The following GABRA3 variants were observed in gnomAD, a reference collection of about 807,000 sequenced individuals.
GABRA3 encodes the protein gamma-aminobutyric acid receptor subunit alpha-3.
Under a neutral mutation model 30.1 loss-of-function variants are expected in GABRA3, and 10 were observed. That is an observed-to-expected ratio of 0.33 (90% CI 0.20 to 0.56). The LOEUF (loss-of-function observed/expected upper bound fraction) is 0.56. Ranked by LOEUF, GABRA3 falls within the 20% of genes least tolerant of loss-of-function variation. The pLI is 0.89. For missense variants in GABRA3, 233 were observed against 392.0 expected, an observed-to-expected ratio of 0.59 and a Z score of 3.42; for synonymous variants, 151 against 146.8, an observed-to-expected ratio of 1.03 and a Z score of -0.21.
chrX:152,273,380 G>A (rs1047767719), intron 4 of GABRA3, among the ~76,000 whole-genome samples: 14 of 112,046 alleles, frequency 1.2e-4, no homozygotes, highest in African/African-American at 4.5e-4. Context: ...ACAGTATGGA[G>A]ATTCCTCAAA....
chrX:152,358,316 G>A (rs926048821), intron 2 of GABRA3, among the ~76,000 whole-genome samples: 60 of 111,323 alleles, frequency 5.4e-4, no homozygotes, highest in African/African-American at 1.9e-3. Context: ...TATGGCTATC[G>A]TGAATGGGAT....
At chrX:152,422,135 G>A (rs184644801) in intron 1 of GABRA3, among the ~76,000 whole-genome samples, 58 of 111,275 alleles carry the variant, frequency 5.2e-4, no homozygotes, top group African/African-American at 1.7e-3. Flanking sequence ...AGTATCAAAC[G>A]AGATAAAACT....
chrX:152,392,516 T>G lies in GABRA3; in HGVS notation c.-26-27920A>C, dbSNP rs760702599. Among the ~76,000 whole-genome samples, 24 of 111,994 alleles carry G rather than the reference T, an allele frequency of 2.1e-4. 1 individual carries two copies. In the South Asian group the frequency reaches 8.2e-3, roughly 38 times the overall value. On this transcript the variant is annotated intron_variant, in intron 1 of 9. Coordinates refer to ENST00000370314, the MANE Select transcript of GABRA3 (RefSeq NM_000808.4). ...ACCATAGCTAAAGGGCATAAGCACA[T>G]TCATACAACCATGGAAAATTAGCCA...
At chrX:152,297,367 T>C (rs1382866598) in intron 3 of GABRA3, among the ~76,000 whole-genome samples, 1 of 112,125 alleles carries the variant, frequency 8.9e-6, no homozygotes, top group Non-Finnish European at 1.9e-5. Context: ...GCATTCCACT[T>C]TCTTCATCTT....
chrX:152,261,829 C>T lies in GABRA3; in HGVS notation c.331-5831G>A, dbSNP rs1016669040. Among the ~76,000 whole-genome samples the T allele has an allele frequency of 3.6e-5, 4 of 112,227 alleles. No individual in the cohort carries two copies. The Admixed American group carries it at 3.7e-4, about 11-fold the overall frequency. On this transcript the variant is annotated intron_variant, in intron 4 of 9. Coordinates refer to ENST00000370314, the MANE Select transcript of GABRA3 (RefSeq NM_000808.4). Reference sequence around the variant, plus strand: ...TCTCACACTTCCACTATGCGGTGCCCCAGTGGGAATTCTGTGTGTGGCCTT... The same window carrying T: ...TCTCACACTTCCACTATGCGGTGCCTCAGTGGGAATTCTGTGTGTGGCCTT...
intron 7 of GABRA3, among the ~76,000 whole-genome samples, chrX:152,198,413 G>A (rs1453357251): frequency 1.8e-5 from 2 of 112,639 alleles, no homozygotes; most frequent in Non-Finnish European, 3.7e-5. Flanking sequence ...AGCACTTACT[G>A]CGCTTTTACT....
chrX:152,420,724 T>A (rs1057073748), intron 1 of GABRA3, among the ~76,000 whole-genome samples: 2 of 111,354 alleles, frequency 1.8e-5, no homozygotes, highest in African/African-American at 3.3e-5. Flanking sequence ...CCAGATTAAT[T>A]AATTGGTTAA....
chrX:152,434,133 T>A, intron 1 of GABRA3, among the ~76,000 whole-genome samples: 1 of 111,566 alleles, frequency 9.0e-6, no homozygotes, highest in Non-Finnish European at 1.9e-5. Context: ...CCTGGGTGTA[T>A]CTGTGAGGGT....
chrX:152,399,206 A>G (rs903768546), intron 1 of GABRA3, among the ~76,000 whole-genome samples: 3 of 111,801 alleles, frequency 2.7e-5, no homozygotes, highest in Admixed American at 1.9e-4. Context: ...TCAAACAGAC[A>G]CAAGTTTAAT....
At chrX:152,176,198 G>A (rs1247684200) in intron 9 of GABRA3, among the ~76,000 whole-genome samples, 2 of 111,101 alleles carry the variant, frequency 1.8e-5, no homozygotes, top group Non-Finnish European at 3.8e-5. Flanking sequence ...ACAGATCTAA[G>A]GACAAGATCC....
At chrX:152,281,938 T>G (rs1231227040) in intron 4 of GABRA3, among the ~76,000 whole-genome samples, 1 of 112,190 alleles carries the variant, frequency 8.9e-6, no homozygotes, top group African/African-American at 3.2e-5. Flanking sequence ...CCTTCTCATT[T>G]ATTCTTGCAC....
intron 5 of GABRA3, among the ~76,000 whole-genome samples, chrX:152,255,112 G>T (rs1285723979): frequency 9.0e-6 from 1 of 110,802 alleles, no homozygotes; most frequent in Non-Finnish European, 1.9e-5. Context: ...ATTTTATGAA[G>T]ATTTCTATAT....
intron 4 of GABRA3, among the ~76,000 whole-genome samples, chrX:152,263,385 A>G (rs1938766020): frequency 9.0e-6 from 1 of 110,526 alleles, no homozygotes; most frequent in Admixed American, 9.7e-5. Flanking sequence ...GAAATAGTTA[A>G]AAAGAATCAA....
At chrX:152,169,481 ATATG>A (rs1936976810) in intron 9 of GABRA3, among the ~76,000 whole-genome samples, 1 of 112,110 alleles carries the variant, frequency 8.9e-6, no homozygotes, top group African/African-American at 3.2e-5. Flanking sequence ...GCTCTCATAT[ATATG>A]AACTTGTGTA....
intron 1 of GABRA3, among the ~76,000 whole-genome samples, chrX:152,394,037 GTCA>G (rs1175151233): frequency 3.6e-5 from 4 of 110,944 alleles, no homozygotes; most frequent in Non-Finnish European, 5.7e-5. Flanking sequence ...TCATTGTCAT[GTCA>G]TCATCATCAT....
intron 4 of GABRA3, among the ~76,000 whole-genome samples, chrX:152,279,472 C>A (rs1446417973): frequency 9.0e-6 from 1 of 111,515 alleles, no homozygotes; most frequent in Non-Finnish European, 1.9e-5. Flanking sequence ...TGGTCTATAT[C>A]TCTGTTTTGG....
intron 3 of GABRA3, among the ~76,000 whole-genome samples, chrX:152,336,211 G>T (rs895401821): frequency 4.7e-5 from 5 of 107,446 alleles, no homozygotes; most frequent in Admixed American, 1.0e-4. Flanking sequence ...TCCTGCCAAT[G>T]ACACTTATAG....
In GABRA3 at chrX:152,292,644, GT is replaced by G. The variant is rs1400329473; in HGVS notation, c.263-7910del. Among the ~76,000 whole-genome samples the G allele has an allele frequency of 9.0e-5, 10 of 111,584 alleles. No individual in the cohort carries two copies. In the Admixed American group the frequency reaches 9.6e-4, roughly 11 times the overall value. On this transcript the variant is annotated intron_variant, in intron 3 of 9. Coordinates refer to ENST00000370314, the MANE Select transcript of GABRA3 (RefSeq NM_000808.4). ...TAGTTCTTTTAATTATGATGCTAGG[GT>G]TTTGATTTTAGATCTTTCCTGCTTT...
At chrX:152,362,685 C>T (rs1180769692) in intron 2 of GABRA3, among the ~76,000 whole-genome samples, 1 of 111,431 alleles carries the variant, frequency 9.0e-6, no homozygotes, top group African/African-American at 3.3e-5. Context: ...AACTAGGGTG[C>T]TAGCAGAAAA....
Sources: gnomAD v4.1 joint callset for allele counts (sites outside exome capture counted in the v4.1 genomes callset) on GRCh38, gnomAD v4.1.1 for gene constraint, MANE v1.5 for transcripts, NCBI Gene and HGNC (gene_info 2026-07-23, HGNC 2026-07-21) for gene names.